The following CTNNA2 variants were observed in gnomAD, a reference collection of about 807,000 sequenced individuals.
The protein encoded by CTNNA2 is catenin alpha-2.
In CTNNA2, 42 loss-of-function variants were observed where a neutral mutation model predicts 101.0. That is an observed-to-expected ratio of 0.42 (90% CI 0.32 to 0.54). The LOEUF is 0.54. Among genes scored for constraint, CTNNA2 ranks in the 20% least tolerant of loss-of-function variants. The probability of loss-of-function intolerance (pLI) is 0.14; values close to 1 mark genes in which losing one functional copy is unlikely to be tolerated. For missense variants in CTNNA2, 871 were observed against 1,223.1 expected (o/e 0.71, Z 4.29); for synonymous variants, 450 against 456.4 (o/e 0.99, Z 0.18).
intron 2 of CTNNA2, among the ~76,000 whole-genome samples, chr2:79,290,121 TC>T (rs1675756514): frequency 6.6e-6 from 1 of 152,170 alleles, no homozygotes; most frequent in Admixed American, 6.5e-5. Flanking sequence ...CACCGTAGGC[TC>T]TTAATTTGTG....
chr2:80,564,377 T>A (rs1693866316), intron 12 of CTNNA2, among the ~76,000 whole-genome samples: 1 of 152,222 alleles, frequency 6.6e-6, no homozygotes, highest in Non-Finnish European at 1.5e-5. Flanking sequence ...TTTGAAATGC[T>A]TATTTTAAAA....
chr2:79,331,334 G>T (rs1195366327), intron 3 of CTNNA2, among the ~76,000 whole-genome samples: 1 of 152,098 alleles, frequency 6.6e-6, no homozygotes, highest in Non-Finnish European at 1.5e-5. Context: ...ATCCAGCATT[G>T]TATAAAACCT....
chr2:80,634,606 C>T (rs982502194), intron 18 of CTNNA2, among the ~76,000 whole-genome samples: 2 of 151,946 alleles, frequency 1.3e-5, no homozygotes, highest in African/African-American at 4.8e-5. Context: ...ATATTGAGTT[C>T]ATGTAACAGG....
intron 4 of CTNNA2, among the ~76,000 whole-genome samples, chr2:79,502,257 G>A (rs1671328662): frequency 6.6e-6 from 1 of 152,148 alleles, no homozygotes; most frequent in Admixed American, 6.6e-5. Flanking sequence ...AAGAAAGAAA[G>A]ATTTACAGAG....
At chr2:79,361,054 A>G (rs1406199378) in intron 3 of CTNNA2, among the ~76,000 whole-genome samples, 3 of 152,116 alleles carry the variant, frequency 2.0e-5, no homozygotes, top group African/African-American at 7.2e-5. Context: ...GCTCCTCTTC[A>G]CTTTACCCAG....
chr2:80,277,265 G>A (rs1203205657), intron 7 of CTNNA2, among the ~76,000 whole-genome samples: 1 of 152,136 alleles, frequency 6.6e-6, no homozygotes, highest in African/African-American at 2.4e-5. Context: ...GTGTTTGTCA[G>A]TCAGGAAGCT....
chr2:79,536,574 A>AGTATGTGTGTGTGTGTGTGTGT (rs34403615), intron 1 of CTNNA2, among the ~76,000 whole-genome samples: 4,480 of 146,628 alleles, frequency 0.031, 113 homozygotes, highest in East Asian at 0.043. Flanking sequence ...TCTCTAAAGA[A>AGTATGTGTGTGTGTGTGTGTGT]GTGTGTGTGT....
At chr2:79,704,305 A>G (rs188974498) in intron 2 of CTNNA2, among the ~76,000 whole-genome samples, 1 of 152,196 alleles carries the variant, frequency 6.6e-6, no homozygotes, top group African/African-American at 2.4e-5. Flanking sequence ...TTCTTCCTTT[A>G]TTGTTACTAT....
intron 7 of CTNNA2, among the ~76,000 whole-genome samples, chr2:80,115,167 C>T (rs1167687369): frequency 6.6e-6 from 1 of 152,198 alleles, no homozygotes; most frequent in Non-Finnish European, 1.5e-5. Flanking sequence ...AGGCTTCATG[C>T]TTTGTGAGCT....
At chr2:80,228,031 T>C (rs1446563244) in intron 7 of CTNNA2, among the ~76,000 whole-genome samples, 2 of 152,010 alleles carry the variant, frequency 1.3e-5, no homozygotes, top group South Asian at 2.1e-4. Context: ...TAGTGTACAG[T>C]GTGTACTGTG....
chr2:80,222,299 C>A (rs186031529), intron 7 of CTNNA2, among the ~76,000 whole-genome samples: 5 of 151,682 alleles, frequency 3.3e-5, no homozygotes, highest in Admixed American at 2.0e-4. Flanking sequence ...ATAAATTATT[C>A]TCATACTCTA....
rs553211564 is a variant in CTNNA2, at chr2:80,502,559, T to C, written c.1291-42423T>C. 2.0e-5 allele frequency among the ~76,000 whole-genome samples: 3 copies of C among 152,344 alleles called. No homozygotes were observed. The South Asian group carries it at 6.2e-4, about 32-fold the overall frequency. Reference sequence around the variant, plus strand: ...AAATTAAGCTCCTGACCTACAATTATTATTTTGTGTTCTTTCCTCTTCCTC... The same window carrying C: ...AAATTAAGCTCCTGACCTACAATTACTATTTTGTGTTCTTTCCTCTTCCTC... On this transcript the variant is annotated intron_variant, in intron 9 of 18. Transcript: ENST00000402739.
chr2:79,949,689 G>A (rs1049602291), intron 7 of CTNNA2, among the ~76,000 whole-genome samples: 9 of 152,012 alleles, frequency 5.9e-5, no homozygotes, highest in African/African-American at 2.2e-4. Context: ...GAAATAGAAG[G>A]ATCACTTGGG....
At chr2:79,399,149 A>G (rs1323576203) in intron 4 of CTNNA2, among the ~76,000 whole-genome samples, 1 of 152,162 alleles carries the variant, frequency 6.6e-6, no homozygotes, top group Admixed American at 6.6e-5. Flanking sequence ...TTATAGAAAA[A>G]ATAAATAATG....
intron 7 of CTNNA2, among the ~76,000 whole-genome samples, chr2:80,117,486 G>GTGTGTGTGTGTA (rs1217853097): frequency 6.6e-6 from 1 of 151,518 alleles, no homozygotes; most frequent in African/African-American, 2.4e-5. Context: ...GTGTGTGTGT[G>GTGTGTGTGTGTA]TACAATGTGT....
At chr2:80,565,463 A>T (rs2149683346) in intron 12 of CTNNA2, among the ~76,000 whole-genome samples, 1 of 151,936 alleles carries the variant, frequency 6.6e-6, no homozygotes, top group South Asian at 2.1e-4. Context: ...AAATTGTACC[A>T]ACTTCCCGGT....
intron 7 of CTNNA2, among the ~76,000 whole-genome samples, chr2:80,075,622 A>AT (rs1344471698): frequency 3.6e-5 from 2 of 55,648 alleles, no homozygotes; most frequent in South Asian, 8.6e-4. Flanking sequence ...GTATAAATAT[A>AT]AATATTTATA....
At chr2:80,641,437 A>G (rs1465572472) in intron 18 of CTNNA2, among the ~76,000 whole-genome samples, 1 of 152,188 alleles carries the variant, frequency 6.6e-6, no homozygotes, top group Non-Finnish European at 1.5e-5. Flanking sequence ...TTGTAAATAT[A>G]TGAATTCAGA....
intron 2 of CTNNA2, among the ~76,000 whole-genome samples, chr2:79,311,330 A>T (rs1229830972): frequency 6.8e-6 from 1 of 146,074 alleles, no homozygotes; most frequent in African/African-American, 2.6e-5. Flanking sequence ...AATGGCGTGA[A>T]CCCGGGAAGC....
Sources: allele counts gnomAD v4.1 joint callset (sites outside exome capture counted in the v4.1 genomes callset), GRCh38; gene constraint gnomAD v4.1.1; transcripts MANE v1.5; gene names NCBI Gene and HGNC (gene_info 2026-07-23, HGNC 2026-07-21).